WASF3: variants seen among roughly 807,000 people sequenced by gnomAD.
WASF3 encodes actin-binding protein WASF3.
In WASF3, 11 loss-of-function variants were observed where a neutral mutation model predicts 46.6. That is an observed-to-expected ratio of 0.24 (90% CI 0.15 to 0.39). The LOEUF (loss-of-function observed/expected upper bound fraction) is 0.39. Ranked by LOEUF, WASF3 falls within the 10% of genes least tolerant of loss-of-function variation. WASF3 has a pLI of 1.00. For synonymous variants in WASF3, 242 were observed against 259.7 expected (o/e 0.93, Z 0.65); for missense variants, 576 against 669.8 (o/e 0.86, Z 1.55).
intron 1 of WASF3, among the ~76,000 whole-genome samples, chr13:26,584,472 G>A (rs530353982): frequency 2.6e-5 from 4 of 152,308 alleles, no homozygotes; most frequent in African/African-American, 7.2e-5. Flanking sequence ...TATGGTCTCT[G>A]TTAATCTGTA....
intron 6 of WASF3, among the ~76,000 whole-genome samples, chr13:26,674,914 T>A (rs891247186): frequency 6.6e-6 from 1 of 152,246 alleles, no homozygotes; most frequent in African/African-American, 2.4e-5. Context: ...TTTCTTTTGA[T>A]GAAAGATTGA....
chr13:26,675,650 C>CTGTGTGTGTGTG (rs35156420), intron 6 of WASF3, among the ~76,000 whole-genome samples: 62 of 147,072 alleles, frequency 4.2e-4, no homozygotes, highest in African/African-American at 1.2e-3. Flanking sequence ...GATGCCATGT[C>CTGTGTGTGTGTG]TGTGTGTGTG....
intron 1 of WASF3, among the ~76,000 whole-genome samples, chr13:26,566,543 C>T (rs1879470184): frequency 6.6e-6 from 1 of 152,232 alleles, no homozygotes; most frequent in African/African-American, 2.4e-5. Flanking sequence ...ATCTGTTTCT[C>T]ACCTATGTGG....
chr13:26,672,096 GT>G, intron 6 of WASF3, 107 bp downstream of exon 6: 4 of 864,492 alleles, frequency 4.6e-6, no homozygotes, highest in Admixed American at 2.7e-5. Flanking sequence ...TAGTGCTGAA[GT>G]TTTTTTAGAG....
chr13:26,679,028 C>T lies in WASF3; in HGVS notation c.717-2026C>T, dbSNP rs753306898. On this transcript the variant is annotated intron_variant, in intron 7 of 9. Coordinates refer to ENST00000335327, the MANE Select transcript of WASF3 (RefSeq NM_006646.6). This position sits in a 1 kb window ranked among gnomAD's most constrained non-coding sequence, Gnocchi z 4.8. ...CCTCCTCCCGTGTCGGTGTCATCTC[C>T]GGCCCTCCCGGCCCTCCTCCTCCCA... 1.2e-4 allele frequency among the ~76,000 whole-genome samples: 18 copies of T among 151,106 alleles called. No individual in the cohort carries two copies. The highest frequency in any genetic ancestry group is 5.3e-4 in the Admixed American group (8 of 15,170).
At chr13:26,619,663 C>T (rs1428468402) in intron 2 of WASF3, among the ~76,000 whole-genome samples, 2 of 152,116 alleles carry the variant, frequency 1.3e-5, no homozygotes, top group African/African-American at 4.8e-5. Context: ...AAGGCAGTGT[C>T]AGGAGTTGAA....
At position 26,616,619 on chromosome 13, in the gene WASF3, G is replaced by A. The variant is rs73168010; in HGVS notation, c.-11+3561G>A. ...GGATTATTTTTTGGTTTTATTTTTTGCACTTTCCCCAACTCCCATAAAAGT... is the reference window on the plus strand; with the variant it reads ...GGATTATTTTTTGGTTTTATTTTTTACACTTTCCCCAACTCCCATAAAAGT... On this transcript the variant is annotated intron_variant, in intron 2 of 9. Transcript: ENST00000335327. 8.9e-3 allele frequency among the ~76,000 whole-genome samples: 1,356 copies of A among 151,688 alleles called. 10 individuals carry two copies. Among genetic ancestry groups the A allele is most frequent in the Middle Eastern group, 0.017 (5 of 294 alleles).
chr13:26,683,186 A>G (rs943008598), intron 9 of WASF3, among the ~76,000 whole-genome samples: 2 of 152,194 alleles, frequency 1.3e-5, no homozygotes, highest in African/African-American at 4.8e-5. Flanking sequence ...AAGATTGGGA[A>G]ACAGCCGGGC....
chr13:26,611,040 T>TTTTTC (rs1339921940), intron 1 of WASF3, among the ~76,000 whole-genome samples: 1 of 149,854 alleles, frequency 6.7e-6, no homozygotes, highest in Non-Finnish European at 1.5e-5. Context: ...CCTTTTTTTT[T>TTTTTC]TTTTTTTTTT....
chr13:26,672,331 C>T (rs1328924708), intron 6 of WASF3, among the ~76,000 whole-genome samples: 1 of 152,120 alleles, frequency 6.6e-6, no homozygotes, highest in Admixed American at 6.5e-5. Context: ...CAATGATGTG[C>T]TTTTGTCTTC....
chr13:26,570,407 C>T (rs1276137235), intron 1 of WASF3, among the ~76,000 whole-genome samples: 2 of 152,068 alleles, frequency 1.3e-5, no homozygotes, highest in African/African-American at 4.8e-5. Context: ...AGTGTCACTC[C>T]CTCTCATATC....
chr13:26,554,652 C>T (rs1206212209), upstream of WASF3, among the ~76,000 whole-genome samples: 3 of 152,196 alleles, frequency 2.0e-5, no homozygotes, highest in Non-Finnish European at 4.4e-5. Flanking sequence ...AGTCTGTAGC[C>T]TTCTCAGACT....
Position 26,622,314 on chromosome 13 carries a change from A to T in WASF3, c.-11+9256A>T, listed in dbSNP as rs955092468. ...AAGAAATCCACTACAAAATCTATTC[A>T]GTTAATTTTGTATAGTCAACTACCT... On this transcript the variant is annotated intron_variant, in intron 2 of 9. Transcript: ENST00000335327. Among the ~76,000 whole-genome samples the T allele has an allele frequency of 3.3e-5, 5 of 152,198 alleles. No individual in the cohort carries two copies. In the South Asian group the frequency reaches 1.0e-3, roughly 31 times the overall value.
intron 1 of WASF3, among the ~76,000 whole-genome samples, chr13:26,595,719 C>T (rs1299743371): frequency 2.0e-5 from 3 of 152,178 alleles, no homozygotes; most frequent in African/African-American, 7.2e-5. Flanking sequence ...GTATCATTTT[C>T]AGAATGTTAC....
chr13:26,681,248 C>T lies in WASF3; in HGVS notation c.911C>T (p.Pro304Leu), dbSNP rs761344808. ...RHMALNRPQQ[P>L]PPPPPPQAPE... ...ATGGCCCTCAACAGACCTCAGCAGC[C>T]GCCCCCCCCGCCTCCCCCTCAGGCC... The change falls in exon 8 of 10, where the codon CCG (proline) becomes CTG (leucine). Residue 304 changes from proline to leucine, a missense_variant. Around this residue, in one of 3 missense-constraint regions of WASF3, gnomAD observed 295 missense variants for 291.5 expected, o/e 1.01. Transcript: ENST00000335327. 7 of 1,613,108 alleles carry T rather than the reference C, an allele frequency of 4.3e-6. No individual in the cohort carries two copies. The East Asian group carries it at 8.9e-5, about 21-fold the overall frequency.
chr13:26,637,588 T>C (rs910001822), intron 2 of WASF3, among the ~76,000 whole-genome samples: 1 of 152,244 alleles, frequency 6.6e-6, no homozygotes, highest in Non-Finnish European at 1.5e-5. Context: ...TTAACTGCAG[T>C]TCAGTATCCC....
At chr13:26,596,807 G>T (rs1178551399) in intron 1 of WASF3, among the ~76,000 whole-genome samples, 1 of 152,078 alleles carries the variant, frequency 6.6e-6, no homozygotes, top group Non-Finnish European at 1.5e-5. Context: ...CAGTTTCCTT[G>T]TTTGTTTTCC....
At chr13:26,615,323 T>G (rs540474293) in intron 2 of WASF3, among the ~76,000 whole-genome samples, 17 of 152,352 alleles carry the variant, frequency 1.1e-4, no homozygotes, top group African/African-American at 3.8e-4. Flanking sequence ...TTTTGATTTT[T>G]TTTTGAGACG....
chr13:26,548,278 C>T, the WASF3 span, among the ~76,000 whole-genome samples: 1 of 152,144 alleles, frequency 6.6e-6, no homozygotes, highest in Non-Finnish European at 1.5e-5. Flanking sequence ...CTTTTCCTTC[C>T]CAGAAGCTTG....
Sources: gnomAD v4.1 joint callset for allele counts (sites outside exome capture counted in the v4.1 genomes callset) on GRCh38, gnomAD v4.1.1 for gene constraint, gnomAD v4.1.1 regional missense constraint, Gnocchi (gnomAD v3.1) non-coding constraint, MANE v1.5 for transcripts, NCBI Gene and HGNC (gene_info 2026-07-23, HGNC 2026-07-21) for gene names.